Variants in NPHS1 observed in about 807,000 individuals in gnomAD.
NPHS1 encodes the protein NPHS1 adhesion molecule, nephrin.
NPHS1 carries 107 observed loss-of-function variants against 139.7 expected under a neutral mutation model. The observed-to-expected ratio is 0.77, with a 90% CI of 0.66 to 0.90. The LOEUF is 0.90. Ranked by LOEUF, NPHS1 falls within the 40% of genes least tolerant of loss-of-function variation. The pLI is 0.00. For missense variants in NPHS1, 1,580 were observed against 1,654.2 expected, an observed-to-expected ratio of 0.96 and a Z score of 0.78; for synonymous variants, 707 against 706.6, an observed-to-expected ratio of 1.00 and a Z score of -0.01.
chr19:35,835,856 G>A, intron 22 of NPHS1, 95 bp from the exon 23 acceptor site: 18 of 1,088,296 alleles, frequency 1.7e-5, no homozygotes, highest in Non-Finnish European at 2.5e-5. Context: ...TTAGATTCAT[G>A]GGAACTGGTA....
rs1192855645 is a variant in NPHS1, at chr19:35,851,476, C to T, written c.255G>A (p.Leu85=). Residue 85 remains leucine (L), a synonymous_variant, in exon 2 of 29, where the codon CTG becomes CTA. Transcript: ENST00000378910. The stretch of plus-strand genomic sequence containing the variant: ...CCTTACCTCTAGCAGGGTCCCCTTC[C>T]AGGCGGTACCTCGGGAAGCCTGGGA... The part of the protein sequence containing the change: ...PRIPGFPRYR[L]EGDPARGEFH... The T allele has an allele frequency of 6.2e-7, 1 of 1,613,624 alleles. No homozygotes were observed. Among genetic ancestry groups the T allele is most frequent in the Admixed American group, 1.7e-5 (1 of 60,006 alleles).
At chr19:35,834,348 C>G (rs1194266939) in intron 23 of NPHS1, among the ~76,000 whole-genome samples, 1 of 152,156 alleles carries the variant, frequency 6.6e-6, no homozygotes, top group Non-Finnish European at 1.5e-5. Context: ...CCTAGACCAC[C>G]CAGTCCAGTG....
At chr19:35,831,450 C>A (rs762507162) in intron 25 of NPHS1, 26 bp downstream of exon 25, 2 of 1,613,760 alleles carry the variant, frequency 1.2e-6, no homozygotes, top group African/African-American at 2.7e-5. Flanking sequence ...TCAGAGCCTT[C>A]TTTACAGAAA....
At chr19:35,828,589 G>GA (rs1183089734) in intron 28 of NPHS1, among the ~76,000 whole-genome samples, 1 of 151,566 alleles carries the variant, frequency 6.6e-6, no homozygotes, top group Non-Finnish European at 1.5e-5. Context: ...TAATTGTTGG[G>GA]AAAAAATGAA....
rs1334438494 is a variant in NPHS1, at chr19:35,830,937, C to T, written c.3501G>A (p.Glu1167=). Residue 1167 remains glutamate (E), a synonymous_variant, in exon 28 of 29, where the codon GAG becomes GAA. Transcript: ENST00000378910. The part of the protein sequence containing the change: ...SYSRGFTGED[E]DMAFPGHLYD... ...ACAAGTGCCCAGGGAAGGCCATATC[C>T]TCATCTTCACCTGTGAAACCTGGAG... The T allele has an allele frequency of 6.2e-7, 1 of 1,613,768 alleles. No individual in the cohort carries two copies. Among genetic ancestry groups the T allele is most frequent in the Non-Finnish European group, 8.5e-7 (1 of 1,179,652 alleles).
chr19:35,826,483 C>G lies in NPHS1; in HGVS notation c.*31G>C, dbSNP rs764086013. The G allele has an allele frequency of 2.5e-6, 4 of 1,612,358 alleles. No homozygotes were observed. The highest frequency in any genetic ancestry group is 2.7e-5 in the African/African-American group (2 of 74,854). ...GAGACCAGTGGAGTGTAAATTCCTG[C>G]AGGTGCAGGACAATGGGGTTGAGAG... On this transcript the variant is annotated 3_prime_UTR_variant, in exon 29 of 29. Transcript: ENST00000378910.
chr19:35,851,006 C>CA lies in NPHS1; in HGVS notation c.480dup (p.Val161CysfsTer10). 1 of 1,614,170 alleles carries CA rather than the reference C, an allele frequency of 6.2e-7. No homozygotes were observed. The highest frequency in any genetic ancestry group is 1.1e-5 in the South Asian group (1 of 91,084). ...GGTGCTGGCTTCGCGTCCCCAGACA[C>CA]ACAGTTGACCACGTACTCCTGCCCA... On this transcript the variant is annotated frameshift_variant, in exon 4 of 29. Transcript: ENST00000378910. LOFTEE classifies it high-confidence loss of function.
chr19:35,839,343 A>C lies in NPHS1; in HGVS notation c.3003T>G (p.Thr1001=), dbSNP rs2146816226. The C allele has an allele frequency of 6.2e-7, 1 of 1,614,222 alleles. No individual in the cohort carries two copies. The highest frequency in any genetic ancestry group is 2.2e-5 in the East Asian group (1 of 44,890). The change falls in exon 22 of 29, where the codon ACT becomes ACG. Residue 1001 remains threonine (T), a synonymous_variant. Transcript: ENST00000378910. ...TGTATCTTGTAGAAGGCTGTAGACC[A>C]GTCAGCGTGAAGGTGGTGGCCTGGG... ...VPPQATTFTL[T]GLQPSTRYRV... is the part of the protein sequence containing the mutation.
intron 26 of NPHS1, 24 bp downstream of exon 26, chr19:35,831,272 G>A (rs764808909): frequency 3.7e-6 from 6 of 1,612,550 alleles, no homozygotes; most frequent in Non-Finnish European, 3.4e-6. Context: ...TGATTGTGGG[G>A]TCACCAGGGC....
At chr19:35,838,604 C>T (rs1353146224) in intron 22 of NPHS1, among the ~76,000 whole-genome samples, 1 of 150,310 alleles carries the variant, frequency 6.7e-6, no homozygotes, top group African/African-American at 2.5e-5. Context: ...GATTCTAGCA[C>T]TTTGGGAGGC....
intron 22 of NPHS1, among the ~76,000 whole-genome samples, chr19:35,838,677 G>A (rs554995971): frequency 1.4e-4 from 21 of 151,852 alleles, no homozygotes; most frequent in East Asian, 1.9e-4. Flanking sequence ...GTGAAACCCC[G>A]TCTCTATTAA....
Position 35,839,262 on chromosome 19 carries a change from C to T in NPHS1, c.3084G>A (p.Gly1028=), listed in dbSNP as rs767506475. ...CTGGGGTAGTGATGGGAAGCTGGGT[C>T]CCTTTGTCAGCCAGTCCACTGTCCC... is the stretch of plus-strand genomic sequence containing the variant. ...ALGDSGLADK[G]TQLPITTPGL... The change falls in exon 22 of 29, where the codon GGG becomes GGA. Residue 1028 remains glycine (G), a synonymous_variant. Coordinates refer to ENST00000378910, the MANE Select transcript of NPHS1 (RefSeq NM_004646.4). 3.1e-6 allele frequency: 5 copies of T among 1,614,204 alleles called. No individual in the cohort carries two copies. In the Admixed American group the frequency reaches 6.7e-5, roughly 22 times the overall value.
rs762704370 is a variant in NPHS1 at position 35,842,374 on chromosome 19, C to A, written c.2506+5G>T. ...CTTGAAGTCAGGTGTTTGGGTAATACCCACATCTGACAACAAGACGGAGCA... is the reference window on the plus strand; with the variant it reads ...CTTGAAGTCAGGTGTTTGGGTAATAACCACATCTGACAACAAGACGGAGCA... On this transcript the variant is annotated splice_donor_5th_base_variant and intron_variant, in intron 18 of 28. Transcript: ENST00000378910. 1.9e-6 allele frequency: 3 copies of A among 1,613,618 alleles called. No homozygotes were observed. Among genetic ancestry groups the A allele is most frequent in the Non-Finnish European group, 1.7e-6 (2 of 1,179,980 alleles).
At position 35,830,567 on chromosome 19, in the gene NPHS1, G is replaced by A. The variant is rs890079706; in HGVS notation, c.3594+277C>T. Among the ~76,000 whole-genome samples, 7 of 152,222 alleles carry A rather than the reference G, an allele frequency of 4.6e-5. 1 individual carries two copies. In the East Asian group the frequency reaches 7.7e-4, roughly 17 times the overall value. On this transcript the variant is annotated intron_variant, in intron 28 of 28. Transcript: ENST00000378910. ...TGAGACTACAGGTGCACACCTCCATGCCTGGCTCATTTTAAAAAATGTTTT... is the reference window on the plus strand; with the variant it reads ...TGAGACTACAGGTGCACACCTCCATACCTGGCTCATTTTAAAAAATGTTTT...
chr19:35,826,709 TG>T (rs1972805443), intron 28 of NPHS1, 64 bp from the exon 29 acceptor site: 2 of 1,579,248 alleles, frequency 1.3e-6, no homozygotes, highest in East Asian at 2.2e-5. Context: ...ATTGAAGATC[TG>T]GGGGATACAT....
At chr19:35,847,087 C>T (rs1442444335) in intron 11 of NPHS1, among the ~76,000 whole-genome samples, 2 of 152,094 alleles carry the variant, frequency 1.3e-5, no homozygotes. Context: ...CCTCTGTCAC[C>T]CAGGCTGGAG....
intron 9 of NPHS1, 83 bp from the exon 10 acceptor site, chr19:35,848,480 G>A: frequency 6.3e-7 from 1 of 1,599,792 alleles, no homozygotes; most frequent in Admixed American, 1.7e-5. Context: ...CCAGTCCCCA[G>A]CAGGGACACA....
Position 35,849,343 on chromosome 19 carries a change from T to G in NPHS1, c.733A>C (p.Ile245Leu), listed in dbSNP as rs370046047. Residue 245 changes from isoleucine to leucine, a missense_variant, in exon 7 of 29, where the codon ATC becomes CTC. By Grantham distance (5) the Ile-to-Leu change is conservative (BLOSUM62 2). Coordinates refer to ENST00000378910, the MANE Select transcript of NPHS1 (RefSeq NM_004646.4). ...NVLFPPGPPV[I>L]EWPGLDEGHV... The stretch of plus-strand genomic sequence containing the variant: ...CCCTCATCCAGGCCTGGCCACTCGA[T>G]GACAGGGGGTCCTGGAGGGACTGGG... The G allele has an allele frequency of 7.7e-5, 124 of 1,612,524 alleles. No homozygotes were observed. The highest frequency in any genetic ancestry group is 2.1e-4 in the South Asian group (19 of 90,988).
chr19:35,851,310 C>G lies in NPHS1; in HGVS notation c.349G>C (p.Glu117Gln), dbSNP rs3814995. The G allele has an allele frequency of 6.2e-7, 1 of 1,613,588 alleles. No homozygotes were observed. The highest frequency in any genetic ancestry group is 8.5e-7 in the Non-Finnish European group (1 of 1,179,778). Residue 117 changes from glutamate to glutamine, a missense_variant, in exon 3 of 29, where the codon GAG becomes CAG. By Grantham distance (29) the Glu-to-Gln change is conservative. Transcript: ENST00000378910. ...GGAGACACGAGCTCGGGCCCCATCT[C>G]AGAGCGGCCGACCTGGCACTCATAC... ...AEYECQVGRSEMGPELVSPRV... is the reference protein window; with the variant it reads ...AEYECQVGRSQMGPELVSPRV...
Sources: gnomAD v4.1 joint callset for allele counts (sites outside exome capture counted in the v4.1 genomes callset) on GRCh38, gnomAD v4.1.1 for gene constraint, MANE v1.5 for transcripts, NCBI Gene and HGNC (gene_info 2026-07-23, HGNC 2026-07-21) for gene names.